SEPTIN7: variants seen among roughly 807,000 people sequenced by gnomAD.
SEPTIN7 encodes septin 7.
A neutral mutation model predicts 63.3 loss-of-function variants in SEPTIN7; 10 were observed. That is an observed-to-expected ratio of 0.16 (90% CI 0.10 to 0.27). The LOEUF (loss-of-function observed/expected upper bound fraction) is 0.27, where lower values mean the gene tolerates loss of function less well. Among genes scored for constraint, SEPTIN7 ranks in the 10% least tolerant of loss-of-function variants. SEPTIN7 has a pLI of 1.00. For synonymous variants in SEPTIN7, 131 were observed against 165.3 expected, an observed-to-expected ratio of 0.79 and a Z score of 1.59; for missense variants, 310 against 521.0, an observed-to-expected ratio of 0.59 and a Z score of 3.94.
rs1785646581 is a variant in SEPTIN7, at chr7:35,863,764, G to T, written c.276+106G>T. On this transcript the variant is annotated intron_variant, in intron 4 of 13. Transcript: ENST00000350320. The stretch of plus-strand genomic sequence containing the variant: ...TTCCTTAGAGGTAAGATGCAAATTT[G>T]TCCTTAGCCAGTGTATGATGGTAAA... 3.8e-5 allele frequency: 21 copies of T among 546,894 alleles called. No individual in the cohort carries two copies. The South Asian group carries it at 6.3e-4, about 16-fold the overall frequency. 33.9% of individuals were successfully genotyped at this position (546,894 alleles called of 1,614,324 possible).
the SEPTIN7 span, among the ~76,000 whole-genome samples, chr7:35,913,105 G>C: frequency 4.6e-5 from 7 of 152,076 alleles, no homozygotes; most frequent in Non-Finnish European, 7.4e-5. Flanking sequence ...TAGCCAGTAG[G>C]GGTGTTAAAG....
intron 2 of SEPTIN7, chr7:35,832,139 G>C: frequency 2.2e-6 from 1 of 453,462 alleles, no homozygotes; most frequent in Non-Finnish European, 4.4e-6. Flanking sequence ...AAAACCAATA[G>C]AAAATGAAGT....
intron 1 of SEPTIN7, among the ~76,000 whole-genome samples, chr7:35,807,510 G>A (rs1456943173): frequency 2.6e-5 from 4 of 151,744 alleles, no homozygotes; most frequent in Non-Finnish European, 4.4e-5. Flanking sequence ...GACTACAGGC[G>A]CCCGCCACCG....
At chr7:35,816,864 C>G (rs995112033) in intron 1 of SEPTIN7, among the ~76,000 whole-genome samples, 4 of 152,114 alleles carry the variant, frequency 2.6e-5, no homozygotes, top group African/African-American at 9.7e-5. Flanking sequence ...TACACCTTCT[C>G]TGGAGGAATG....
At chr7:35,902,973 C>G in intron 12 of SEPTIN7, 103 bp from the exon 13 acceptor site, 2 of 1,374,578 alleles carry the variant, frequency 1.5e-6, no homozygotes, top group South Asian at 3.7e-5. Context: ...CAGGGCTATT[C>G]AAATAGTGCT....
At chr7:35,894,747 A>G (rs1355254095) in intron 11 of SEPTIN7, among the ~76,000 whole-genome samples, 1 of 152,226 alleles carries the variant, frequency 6.6e-6, no homozygotes, top group Admixed American at 6.5e-5. Context: ...GAGCAAAAGT[A>G]TGTAAATCTA....
At chr7:35,842,129 CCAA>C (rs796629778) in intron 3 of SEPTIN7, among the ~76,000 whole-genome samples, 28 of 152,020 alleles carry the variant, frequency 1.8e-4, no homozygotes, top group African/African-American at 6.8e-4. Context: ...TTAGTCTCTC[CCAA>C]GGCAGGAAGT....
chr7:35,862,592 C>G (rs1404747824), intron 3 of SEPTIN7, among the ~76,000 whole-genome samples: 1 of 152,056 alleles, frequency 6.6e-6, no homozygotes, highest in African/African-American at 2.4e-5. Flanking sequence ...TAAAAATTGG[C>G]ACGCTCTCAG....
At chr7:35,822,473 A>G (rs1372565400) in intron 1 of SEPTIN7, among the ~76,000 whole-genome samples, 1 of 152,166 alleles carries the variant, frequency 6.6e-6, no homozygotes, top group Non-Finnish European at 1.5e-5. Context: ...TGCGCAACCT[A>G]GATCCCTTGA....
At chr7:35,857,733 A>G (rs1785278004) in intron 3 of SEPTIN7, among the ~76,000 whole-genome samples, 1 of 152,252 alleles carries the variant, frequency 6.6e-6, no homozygotes. Flanking sequence ...AACTGAAAGT[A>G]TAATTAGGTA....
At chr7:35,881,026 A>G (rs981785161) in intron 7 of SEPTIN7, among the ~76,000 whole-genome samples, 8 of 152,044 alleles carry the variant, frequency 5.3e-5, no homozygotes, top group Admixed American at 1.3e-4. Flanking sequence ...AATTATCTCT[A>G]TTGTCCATAT....
chr7:35,837,218 A>G (rs1361444319), intron 3 of SEPTIN7, among the ~76,000 whole-genome samples: 1 of 152,200 alleles, frequency 6.6e-6, no homozygotes, highest in Non-Finnish European at 1.5e-5. Flanking sequence ...GTCATCTGTC[A>G]CCTATTGATA....
At chr7:35,803,238 G>A in intron 1 of SEPTIN7, 1 of 655,124 alleles carries the variant, frequency 1.5e-6, no homozygotes, top group South Asian at 6.8e-5. Context: ...TCAGAAGTTT[G>A]TGATAAAATT....
intron 4 of SEPTIN7, among the ~76,000 whole-genome samples, chr7:35,868,604 G>C (rs2116190255): frequency 6.6e-6 from 1 of 152,186 alleles, no homozygotes; most frequent in South Asian, 2.1e-4. Flanking sequence ...ATGGGTGATG[G>C]CTATTAAGGA....
chr7:35,823,597 C>G (rs1401127600), intron 1 of SEPTIN7, among the ~76,000 whole-genome samples: 1 of 152,148 alleles, frequency 6.6e-6, no homozygotes, highest in Non-Finnish European at 1.5e-5. Context: ...TGTCATCTCT[C>G]TTGGTCTTGT....
chr7:35,872,638 T>C, intron 4 of SEPTIN7, 28 bp from the exon 5 acceptor site: 1 of 1,521,310 alleles, frequency 6.6e-7, no homozygotes, highest in Non-Finnish European at 9.1e-7. Flanking sequence ...ATGTATGATA[T>C]TAACATCTGC....
chr7:35,880,223 C>CTTTTTTTTTTTTTTTTTTTTGTTTTT (rs1786780189), intron 7 of SEPTIN7, among the ~76,000 whole-genome samples: 1 of 72,776 alleles, frequency 1.4e-5, no homozygotes, highest in African/African-American at 6.0e-5. Context: ...TTTTTCTTTT[C>CTTTTTTTTTTTTTTTTTTTTGTTTTT]TTTTTTTTTT....
intron 3 of SEPTIN7, among the ~76,000 whole-genome samples, chr7:35,846,362 T>C (rs1784667175): frequency 6.6e-6 from 1 of 152,192 alleles, no homozygotes; most frequent in South Asian, 2.1e-4. Context: ...TGCAGTGTTT[T>C]TCTCTGTGTG....
chr7:35,879,734 T>TA, intron 6 of SEPTIN7, 89 bp from the exon 7 acceptor site: 1 of 755,728 alleles, frequency 1.3e-6, no homozygotes, highest in Non-Finnish European at 2.3e-6. Flanking sequence ...GTAAAGTAGT[T>TA]ACATTGTATT....
Sources: gnomAD v4.1 joint callset for allele counts (sites outside exome capture counted in the v4.1 genomes callset) on GRCh38, gnomAD v4.1.1 for gene constraint, MANE v1.5 for transcripts, NCBI Gene and HGNC (gene_info 2026-07-23, HGNC 2026-07-21) for gene names.